DZIP1L: variants seen among roughly 807,000 people sequenced by gnomAD.
DZIP1L encodes the protein cilium assembly protein DZIP1L.
A neutral mutation model predicts 88.7 loss-of-function variants in DZIP1L; 90 were observed. That is an observed-to-expected ratio of 1.02 (90% CI 0.86 to 1.21). The LOEUF (loss-of-function observed/expected upper bound fraction) is 1.21. Among genes scored for constraint, DZIP1L ranks in the 50% most tolerant of loss-of-function variants. The pLI is 0.00. For missense variants in DZIP1L, 932 were observed against 955.8 expected (o/e 0.98, Z 0.33); for synonymous variants, 363 against 372.1 (o/e 0.98, Z 0.28).
intron 7 of DZIP1L, 101 bp downstream of exon 7, chr3:138,086,860 T>G: frequency 4.0e-5 from 50 of 1,236,128 alleles, no homozygotes; most frequent in Non-Finnish European, 4.9e-5. Context: ...CAGTTCCAGG[T>G]GAGATAGGGG....
chr3:138,075,747 G>A (rs1437767783), intron 11 of DZIP1L, among the ~76,000 whole-genome samples: 1 of 152,126 alleles, frequency 6.6e-6, no homozygotes, highest in Non-Finnish European at 1.5e-5. Context: ...CAGCACCTTG[G>A]GAGGCCGAGG....
At chr3:138,070,131 A>G (rs967135234) in intron 12 of DZIP1L, among the ~76,000 whole-genome samples, 4 of 152,080 alleles carry the variant, frequency 2.6e-5, no homozygotes, top group African/African-American at 9.7e-5. Context: ...ATCCTCCCCA[A>G]GTCCCTGTCC....
At chr3:138,101,382 T>A in intron 2 of DZIP1L, 1 of 668,744 alleles carries the variant, frequency 1.5e-6, no homozygotes, top group South Asian at 1.7e-5. Context: ...CTCAGGTGGG[T>A]CTCCCGTTCC....
chr3:138,079,075 C>G (rs1943533870), intron 10 of DZIP1L, among the ~76,000 whole-genome samples: 1 of 152,226 alleles, frequency 6.6e-6, no homozygotes, highest in Admixed American at 6.5e-5. Flanking sequence ...AGAATTACAA[C>G]TTTGCATTTC....
rs568507092 is a variant in DZIP1L, at chr3:138,081,114, AAAGGCAG to A, written c.1235-501_1235-495del. On this transcript the variant is annotated intron_variant, in intron 9 of 15. Coordinates refer to ENST00000327532, the MANE Select transcript of DZIP1L (RefSeq NM_173543.3). ...TAGGAAGAAATGTGAGTTTGCAAGA[AAAGGCAG>A]AAGTGTAGCTAAAGCCATAGGACAG... Among the ~76,000 whole-genome samples, 8 of 152,306 alleles carry A rather than the reference AAAGGCAG, an allele frequency of 5.3e-5. No homozygotes were observed. In the South Asian group the frequency reaches 1.5e-3, roughly 28 times the overall value.
At position 138,114,832 on chromosome 3, in the gene DZIP1L, A is replaced by G. The variant is rs375506775; in HGVS notation, c.-82+496T>C. Reference sequence around the variant, plus strand: ...GCAGCCACCTCAGGATGAAAATACCACGTCTGCCTCCTGCTGAGGTCCAGC... The same window carrying G: ...GCAGCCACCTCAGGATGAAAATACCGCGTCTGCCTCCTGCTGAGGTCCAGC... On this transcript the variant is annotated intron_variant, in intron 1 of 15. Coordinates refer to ENST00000327532, the MANE Select transcript of DZIP1L (RefSeq NM_173543.3). Among the ~76,000 whole-genome samples, 25 of 152,164 alleles carry G rather than the reference A, an allele frequency of 1.6e-4. No homozygotes were observed. The South Asian group carries it at 4.2e-3, about 25-fold the overall frequency.
chr3:138,112,268 A>G (rs1411137031), intron 1 of DZIP1L: 1 of 152,160 alleles, frequency 6.6e-6, no homozygotes. Flanking sequence ...ACCAAGTTCT[A>G]TCTGACTCCA....
chr3:138,109,193 C>T (rs1032953129), intron 1 of DZIP1L, among the ~76,000 whole-genome samples: 1 of 152,216 alleles, frequency 6.6e-6, no homozygotes, highest in Non-Finnish European at 1.5e-5. Flanking sequence ...ATATTACTTG[C>T]CTTCCACACT....
chr3:138,065,404 G>C (rs929259127), intron 14 of DZIP1L, among the ~76,000 whole-genome samples: 1 of 152,200 alleles, frequency 6.6e-6, no homozygotes, highest in Non-Finnish European at 1.5e-5. Flanking sequence ...TGTTTGTTAA[G>C]GGCCTACGAT....
intron 1 of DZIP1L, among the ~76,000 whole-genome samples, chr3:138,114,093 G>A (rs2042657034): frequency 6.6e-6 from 1 of 152,212 alleles, no homozygotes; most frequent in Admixed American, 6.5e-5. Flanking sequence ...TCTTTGCCAT[G>A]AAGGAGTTCA....
intron 14 of DZIP1L, among the ~76,000 whole-genome samples, chr3:138,067,193 G>A (rs891161765): frequency 2.6e-5 from 4 of 152,042 alleles, no homozygotes; most frequent in East Asian, 1.9e-4. Context: ...TTGATCTCCC[G>A]TAGCTGGCCA....
chr3:138,108,824 T>G (rs934033718), intron 1 of DZIP1L, among the ~76,000 whole-genome samples: 7 of 152,176 alleles, frequency 4.6e-5, no homozygotes, highest in African/African-American at 1.4e-4. Context: ...TGTGTGATGA[T>G]AAATGGCAAC....
At position 138,062,734 on chromosome 3, in the gene DZIP1L, G is replaced by T; in HGVS notation, c.*82C>A. On this transcript the variant is annotated 3_prime_UTR_variant, in exon 16 of 16. Coordinates refer to ENST00000327532, the MANE Select transcript of DZIP1L (RefSeq NM_173543.3). ...TCTTGGTTGTTTGTGAAGACAAGAG[G>T]CCCAGCAGCCTCTTCTGTTGAAGTG... is the stretch of plus-strand genomic sequence containing the variant. 6.7e-7 allele frequency: 1 copy of T among 1,486,940 alleles called. No homozygotes were observed. Among genetic ancestry groups the T allele is most frequent in the Non-Finnish European group, 9.3e-7 (1 of 1,077,840 alleles). The allele number at this position is 1,486,940 out of a possible 1,614,324, so 92.1% of individuals were successfully genotyped here.
At chr3:138,100,884 C>T (rs922547127) in intron 2 of DZIP1L, among the ~76,000 whole-genome samples, 2 of 152,130 alleles carry the variant, frequency 1.3e-5, no homozygotes, top group Non-Finnish European at 2.9e-5. Context: ...CACATGCAAA[C>T]GCTCCATGTT....
intron 1 of DZIP1L, chr3:138,112,563 A>G (rs1424919334): frequency 6.6e-6 from 1 of 152,110 alleles, no homozygotes; most frequent in South Asian, 2.1e-4. Flanking sequence ...GAAACCATAC[A>G]CCCCAGGGGC....
intron 5 of DZIP1L, among the ~76,000 whole-genome samples, chr3:138,090,708 C>T (rs1944175329): frequency 6.6e-6 from 1 of 152,058 alleles, no homozygotes; most frequent in African/African-American, 2.4e-5. Flanking sequence ...TGCCTAGGTG[C>T]TTCTTTAGGT....
chr3:138,103,927 G>A lies in DZIP1L; in HGVS notation c.45C>T (p.Leu15=). Residue 15 remains leucine (L), a synonymous_variant, in exon 2 of 16, where the codon CTC becomes CTT. Transcript: ENST00000327532. ...AGGTGGGGAACGTGTAGGCCCCAAA[G>A]AGGGGGCCACTGAGGCCCTCAGCAG... ...AATAEGLSGP[L]FGAYTFPTFK... The A allele has an allele frequency of 5.0e-6, 8 of 1,613,488 alleles. No individual in the cohort carries two copies. Among genetic ancestry groups the A allele is most frequent in the Non-Finnish European group, 5.9e-6 (7 of 1,180,030 alleles).
At chr3:138,073,727 C>T (rs946234460) in intron 11 of DZIP1L, among the ~76,000 whole-genome samples, 3 of 151,942 alleles carry the variant, frequency 2.0e-5, no homozygotes, top group African/African-American at 2.4e-5. Context: ...CTCTGAATTG[C>T]CAGAAAAAGA....
At chr3:138,102,863 C>A in intron 2 of DZIP1L, 1 of 678,242 alleles carries the variant, frequency 1.5e-6, no homozygotes, top group Non-Finnish European at 2.7e-6. Flanking sequence ...CTGCTGAAGA[C>A]CTGGGGGCCA....
Sources: allele counts gnomAD v4.1 joint callset (sites outside exome capture counted in the v4.1 genomes callset), GRCh38; gene constraint gnomAD v4.1.1; transcripts MANE v1.5; gene names NCBI Gene and HGNC (gene_info 2026-07-23, HGNC 2026-07-21).